SUSD5: variants seen among roughly 807,000 people sequenced by gnomAD.
SUSD5 encodes sushi domain-containing protein 5.
In SUSD5, 33 loss-of-function variants were observed where a neutral mutation model predicts 29.5. That is an observed-to-expected ratio of 1.12 (90% confidence interval 0.85 to 1.49). SUSD5 has a LOEUF of 1.49. Among genes scored for constraint, SUSD5 ranks in the 40% most tolerant of loss-of-function variants. SUSD5 has a pLI of 0.00. For synonymous variants in SUSD5, 308 were observed against 325.3 expected (o/e 0.95, Z 0.57); for missense variants, 776 against 800.6 (o/e 0.97, Z 0.37).
rs375434136 is a variant in SUSD5, at chr3:33,153,740, C to G, written c.892G>C (p.Ala298Pro). The change falls in exon 5 of 5, where the codon GCT becomes CCT. Residue 298 changes from alanine to proline, a missense_variant. Physicochemically the swap from Ala to Pro is conservative, Grantham distance 27. Coordinates refer to ENST00000309558, the MANE Select transcript of SUSD5 (RefSeq NM_015551.2). ...LLQKHLFWFP[A>P]EAFHKPGLEK... Reference sequence around the variant, plus strand: ...AACCCAGGCTTGTGGAAAGCCTCAGCAGGAAACCAGAACAAGTGCTTCTGG... The same window carrying G: ...AACCCAGGCTTGTGGAAAGCCTCAGGAGGAAACCAGAACAAGTGCTTCTGG... 2.7e-5 allele frequency: 43 copies of G among 1,613,928 alleles called. No homozygotes were observed. Among genetic ancestry groups the G allele is most frequent in the Non-Finnish European group, 3.6e-5 (42 of 1,179,908 alleles).
chr3:33,170,903 A>C (rs56155223), intron 4 of SUSD5, among the ~76,000 whole-genome samples: 1 of 152,104 alleles, frequency 6.6e-6, no homozygotes, highest in African/African-American at 2.4e-5. Context: ...AGGGCCTGAA[A>C]GGTCTCATTG....
intron 3 of SUSD5, among the ~76,000 whole-genome samples, chr3:33,201,736 A>G (rs889216836): frequency 6.6e-6 from 1 of 152,276 alleles, no homozygotes; most frequent in Middle Eastern, 3.4e-3. Flanking sequence ...CAAGCCCCCA[A>G]GCATGTGCTG....
Position 33,204,730 on chromosome 3 carries a change from C to A in SUSD5, c.409+3078G>T, listed in dbSNP as rs1047261794. On this transcript the variant is annotated intron_variant, in intron 3 of 4. Coordinates refer to ENST00000309558, the MANE Select transcript of SUSD5 (RefSeq NM_015551.2). The surrounding 1 kb of genome is among the most constrained non-coding windows in gnomAD (Gnocchi z 4.5). ...TGATGTGATCTTGGCTCACTGCAACCTCTACCTCCCAGGTTAAAGCGATTC... is the reference window on the plus strand; with the variant it reads ...TGATGTGATCTTGGCTCACTGCAACATCTACCTCCCAGGTTAAAGCGATTC... Among the ~76,000 whole-genome samples the A allele has an allele frequency of 8.7e-5, 13 of 148,744 alleles. No homozygotes were observed. The highest frequency in any genetic ancestry group is 3.2e-4 in the African/African-American group (13 of 41,168).
chr3:33,214,892 C>A (rs2032398996), intron 1 of SUSD5, among the ~76,000 whole-genome samples: 1 of 152,022 alleles, frequency 6.6e-6, no homozygotes, highest in Admixed American at 6.5e-5. Flanking sequence ...AAGCTAAAGG[C>A]AGGGGAGAAA....
intron 2 of SUSD5, among the ~76,000 whole-genome samples, chr3:33,211,825 G>A (rs1047429848): frequency 6.6e-6 from 1 of 152,152 alleles, no homozygotes; most frequent in African/African-American, 2.4e-5. Flanking sequence ...CCAATATCCT[G>A]AAGCATTCTT....
rs763797995 is a variant in SUSD5, at chr3:33,153,234, C to T, written c.1398G>A (p.Thr466=). 8 of 1,613,646 alleles carry T rather than the reference C, an allele frequency of 5.0e-6. No homozygotes were observed. The highest frequency in any genetic ancestry group is 4.5e-5 in the East Asian group (2 of 44,852). Residue 466 remains threonine, a synonymous_variant, in exon 5 of 5, where the codon ACG becomes ACA. Transcript: ENST00000309558. ...TCCAGGGTAGAGTTGACTGGTACTT[C>T]GTCAAGTCACCATCCCCAATGCCCT... ...ETEGIGDGDL[T]KYQSTLPWRF...
At chr3:33,179,627 T>G (rs4588305) in intron 3 of SUSD5, among the ~76,000 whole-genome samples, 87,648 of 152,090 alleles carry the variant, frequency 0.58, 26,305 homozygotes, top group Middle Eastern at 0.7. Flanking sequence ...GAGAAGGCTA[T>G]AATAGTATTT....
chr3:33,179,483 G>A (rs536667343), intron 3 of SUSD5, among the ~76,000 whole-genome samples: 8 of 152,172 alleles, frequency 5.3e-5, no homozygotes, highest in Non-Finnish European at 1.2e-4. Flanking sequence ...TGAGCTTCTT[G>A]TTGGCCTCTC....
At chr3:33,154,140 T>TA in intron 4 of SUSD5, 107 bp from the exon 5 acceptor site, 3 of 881,012 alleles carry the variant, frequency 3.4e-6, no homozygotes, top group Non-Finnish European at 3.3e-6. Flanking sequence ...GAATAAATAA[T>TA]ACTGTTATTA....
chr3:33,162,857 C>T (rs755939028), intron 4 of SUSD5, among the ~76,000 whole-genome samples: 5 of 146,884 alleles, frequency 3.4e-5, no homozygotes, highest in Non-Finnish European at 5.9e-5. Flanking sequence ...GCAGAGGCTG[C>T]GGTGACCTGA....
intron 3 of SUSD5, among the ~76,000 whole-genome samples, chr3:33,196,521 ATC>A (rs2031999004): frequency 6.6e-6 from 1 of 152,196 alleles, no homozygotes; most frequent in Non-Finnish European, 1.5e-5. Context: ...GCGTCTCTGG[ATC>A]TGTCAGGATA....
intron 3 of SUSD5, among the ~76,000 whole-genome samples, chr3:33,182,151 T>C (rs1028540741): frequency 6.6e-6 from 1 of 152,228 alleles, no homozygotes; most frequent in African/African-American, 2.4e-5. Flanking sequence ...TTAAAAATAT[T>C]TTAAAATTCT....
intron 4 of SUSD5, among the ~76,000 whole-genome samples, chr3:33,159,883 AGGG>A (rs1235736787): frequency 2.0e-5 from 3 of 152,208 alleles, no homozygotes; most frequent in Non-Finnish European, 4.4e-5. Flanking sequence ...GGAGAAACAG[AGGG>A]TTCTAAAGAA....
chr3:33,154,011 GTCAATGTGTGCC>G lies in SUSD5; in HGVS notation c.609_620del (p.Glu203_Ile206del). 1 of 1,598,636 alleles carries G rather than the reference GTCAATGTGTGCC, an allele frequency of 6.3e-7. No homozygotes were observed. The highest frequency in any genetic ancestry group is 1.1e-5 in the South Asian group (1 of 88,074). ...TGTCATCAGGGAAGTTATCTTCATAGTCAATGTGTGCCTCAGCCTCATCTGGAAGAAAAGAGG... is the reference window on the plus strand; with the variant it reads ...TGTCATCAGGGAAGTTATCTTCATAGTCAGCCTCATCTGGAAGAAAAGAGG... On this transcript the variant is annotated inframe_deletion, in exon 5 of 5. Transcript: ENST00000309558.
At chr3:33,213,114 A>G (rs1308656838) in intron 2 of SUSD5, among the ~76,000 whole-genome samples, 4 of 152,134 alleles carry the variant, frequency 2.6e-5, no homozygotes, top group Non-Finnish European at 5.9e-5. Context: ...TTATTACTTA[A>G]AAAAAATTCA....
intron 3 of SUSD5, among the ~76,000 whole-genome samples, chr3:33,184,228 C>T (rs1357718085): frequency 6.6e-6 from 1 of 152,118 alleles, no homozygotes; most frequent in Non-Finnish European, 1.5e-5. Context: ...GCATAAGCCA[C>T]CACACCCGGC....
intron 3 of SUSD5, among the ~76,000 whole-genome samples, chr3:33,194,190 C>G (rs2031950664): frequency 6.6e-6 from 1 of 152,176 alleles, no homozygotes; most frequent in Non-Finnish European, 1.5e-5. Flanking sequence ...GATTCCATCC[C>G]TGACCCAATC....
At chr3:33,201,860 C>A (rs180930109) in intron 3 of SUSD5, among the ~76,000 whole-genome samples, 5,799 of 152,190 alleles carry the variant, frequency 0.038, 309 homozygotes, top group African/African-American at 0.13. Context: ...TCCTGTCCGC[C>A]ATGTCCTATC....
chr3:33,173,938 C>T (rs1212246378), intron 4 of SUSD5, among the ~76,000 whole-genome samples: 3 of 152,144 alleles, frequency 2.0e-5, no homozygotes, highest in Non-Finnish European at 2.9e-5. Flanking sequence ...TGGCTGGACA[C>T]AGCGATTTCT....
Sources: allele counts gnomAD v4.1 joint callset (sites outside exome capture counted in the v4.1 genomes callset), GRCh38; gene constraint gnomAD v4.1.1; non-coding constraint Gnocchi (gnomAD v3.1); transcripts MANE v1.5; gene names NCBI Gene and HGNC (gene_info 2026-07-23, HGNC 2026-07-21).